Variants in UBASH3B observed in about 807,000 individuals in gnomAD.
UBASH3B encodes ubiquitin-associated and SH3 domain-containing protein B.
UBASH3B carries 37 observed loss-of-function variants against 83.4 expected under a neutral mutation model. That is an observed-to-expected ratio of 0.44 (90% CI 0.34 to 0.58). The LOEUF (loss-of-function observed/expected upper bound fraction) is 0.58, where lower values mean the gene tolerates loss of function less well. UBASH3B is among the 20% of genes least tolerant of loss of function. The probability of loss-of-function intolerance (pLI) is 0.01; values close to 1 mark genes in which losing one functional copy is unlikely to be tolerated. For missense variants in UBASH3B, 657 were observed against 827.2 expected (o/e 0.79, Z 2.52); for synonymous variants, 304 against 318.3 (o/e 0.96, Z 0.48).
chr11:122,747,522 G>A (rs1861138086), intron 1 of UBASH3B, among the ~76,000 whole-genome samples: 1 of 152,180 alleles, frequency 6.6e-6, no homozygotes, highest in African/African-American at 2.4e-5. Flanking sequence ...ATGGCTCTGT[G>A]TCCTTAGAGA....
At chr11:122,802,947 A>G (rs1013819179) in intron 11 of UBASH3B, among the ~76,000 whole-genome samples, 11 of 152,040 alleles carry the variant, frequency 7.2e-5, no homozygotes, top group African/African-American at 2.7e-4. Flanking sequence ...TGTATTTTAT[A>G]TTTCCTCTAG....
intron 1 of UBASH3B, among the ~76,000 whole-genome samples, chr11:122,712,916 T>C (rs1864216952): frequency 7.4e-6 from 1 of 134,604 alleles, no homozygotes; most frequent in Middle Eastern, 3.6e-3. Context: ...TTTTTTTTTT[T>C]TTTTTTTTTT....
At chr11:122,705,638 C>G (rs1864108557) in intron 1 of UBASH3B, among the ~76,000 whole-genome samples, 1 of 152,064 alleles carries the variant, frequency 6.6e-6, no homozygotes, top group Non-Finnish European at 1.5e-5. Context: ...GACTATTGCC[C>G]CAGGCGCTAC....
intron 1 of UBASH3B, among the ~76,000 whole-genome samples, chr11:122,703,462 C>CA (rs1017185802): frequency 6.6e-6 from 1 of 151,976 alleles, no homozygotes; most frequent in African/African-American, 2.4e-5. Flanking sequence ...TGTTTCTCCC[C>CA]TCCACCACCG....
At chr11:122,790,299 G>T (rs1861029571) in intron 6 of UBASH3B, among the ~76,000 whole-genome samples, 1 of 152,100 alleles carries the variant, frequency 6.6e-6, no homozygotes, top group Admixed American at 6.5e-5. Context: ...AGATGGGAAA[G>T]AATATTTTCT....
chr11:122,768,466 A>ATGTGTGTGTGTG (rs1555144490), intron 1 of UBASH3B, among the ~76,000 whole-genome samples: 4 of 128,982 alleles, frequency 3.1e-5, no homozygotes, highest in African/African-American at 1.4e-4. Flanking sequence ...AGAGATATAT[A>ATGTGTGTGTGTG]TGTATGTGTG....
intron 1 of UBASH3B, among the ~76,000 whole-genome samples, chr11:122,656,833 C>T (rs765322142): frequency 1.3e-5 from 2 of 152,238 alleles, no homozygotes; most frequent in Non-Finnish European, 2.9e-5. Flanking sequence ...GACCTGGGTT[C>T]TCGTCAGTGG....
At chr11:122,719,308 A>G (rs1157651642) in intron 1 of UBASH3B, among the ~76,000 whole-genome samples, 1 of 152,230 alleles carries the variant, frequency 6.6e-6, no homozygotes, top group Non-Finnish European at 1.5e-5. Flanking sequence ...AAAATTTTAC[A>G]TCTGTGCTAA....
At chr11:122,747,929 A>G (rs1861144785) in intron 1 of UBASH3B, among the ~76,000 whole-genome samples, 1 of 152,220 alleles carries the variant, frequency 6.6e-6, no homozygotes, top group Admixed American at 6.5e-5. Context: ...TAATGAGCTG[A>G]CTGTTGTGAG....
chr11:122,758,266 C>T lies in UBASH3B; in HGVS notation c.162-17953C>T, dbSNP rs545715606. ...CACTTCCTGGCGTGTTTGGTCAAGT[C>T]CCATTTATAATATGTAAAGTACTCC... On this transcript the variant is annotated intron_variant, in intron 1 of 13. Coordinates refer to ENST00000284273, the MANE Select transcript of UBASH3B (RefSeq NM_032873.5). This position sits in a 1 kb window ranked among gnomAD's most constrained non-coding sequence, Gnocchi z 4.2. Among the ~76,000 whole-genome samples, 1 of 152,236 alleles carries T rather than the reference C, an allele frequency of 6.6e-6. No homozygotes were observed. The highest frequency in any genetic ancestry group is 2.1e-4 in the South Asian group (1 of 4,826).
intron 1 of UBASH3B, among the ~76,000 whole-genome samples, chr11:122,680,098 T>C (rs928586757): frequency 1.3e-5 from 2 of 152,218 alleles, no homozygotes; most frequent in Non-Finnish European, 2.9e-5. Context: ...CCCAAAGTGC[T>C]GGGATTACAG....
intron 9 of UBASH3B, among the ~76,000 whole-genome samples, chr11:122,798,439 G>A (rs1861189234): frequency 1.3e-5 from 2 of 152,166 alleles, no homozygotes; most frequent in Admixed American, 1.3e-4. Context: ...GGGGCCAGGT[G>A]TGGTGGCTCA....
At chr11:122,692,385 A>G (rs955964146) in intron 1 of UBASH3B, among the ~76,000 whole-genome samples, 1 of 152,200 alleles carries the variant, frequency 6.6e-6, no homozygotes, top group Admixed American at 6.5e-5. Context: ...TTGATTACTC[A>G]CTGTAAGATG....
chr11:122,781,652 C>T (rs1860857721), intron 4 of UBASH3B, among the ~76,000 whole-genome samples: 1 of 152,244 alleles, frequency 6.6e-6, no homozygotes, highest in African/African-American at 2.4e-5. Flanking sequence ...GGTCCCGCTC[C>T]TTATTACCCA....
At chr11:122,799,955 C>T (rs1158230533) in intron 10 of UBASH3B, among the ~76,000 whole-genome samples, 1 of 152,178 alleles carries the variant, frequency 6.6e-6, no homozygotes, top group Non-Finnish European at 1.5e-5. Context: ...AGTCTTCTAT[C>T]CTTTAACCTT....
chr11:122,656,283 C>A (rs1456066011), intron 1 of UBASH3B, 73 bp downstream of exon 1: 1 of 1,267,880 alleles, frequency 7.9e-7, no homozygotes, highest in Non-Finnish European at 1.0e-6. Context: ...CGCTCCGGCT[C>A]GCCTCCCAGC....
intron 5 of UBASH3B, 145 bp downstream of exon 5, chr11:122,783,367 C>T (rs2135152043): frequency 1.0e-6 from 1 of 996,342 alleles, no homozygotes; most frequent in South Asian, 1.8e-5. Flanking sequence ...GGATTGTGTC[C>T]AGCCTCTGCT....
At chr11:122,720,636 T>C (rs1241567616) in intron 1 of UBASH3B, among the ~76,000 whole-genome samples, 1 of 152,170 alleles carries the variant, frequency 6.6e-6, no homozygotes, top group Admixed American at 6.5e-5. Context: ...AGCCACATGG[T>C]CTATTCTTTG....
At chr11:122,721,287 C>G (rs1290621422) in intron 1 of UBASH3B, among the ~76,000 whole-genome samples, 1 of 148,694 alleles carries the variant, frequency 6.7e-6, no homozygotes, top group Non-Finnish European at 1.5e-5. Context: ...GACTCTAGGT[C>G]AGTTTCTACA....
Sources: gnomAD v4.1 joint callset for allele counts (sites outside exome capture counted in the v4.1 genomes callset) on GRCh38, gnomAD v4.1.1 for gene constraint, Gnocchi (gnomAD v3.1) non-coding constraint, MANE v1.5 for transcripts, NCBI Gene and HGNC (gene_info 2026-07-23, HGNC 2026-07-21) for gene names.